The following FRMD4A variants were observed in gnomAD, a reference collection of about 807,000 sequenced individuals.
FRMD4A encodes the protein FERM domain-containing protein 4A.
A neutral mutation model predicts 129.1 loss-of-function variants in FRMD4A; 29 were observed. The observed-to-expected ratio is 0.22, with a 90% CI of 0.17 to 0.31. The LOEUF is 0.31. Among genes scored for constraint, FRMD4A ranks in the 10% least tolerant of loss-of-function variants. The pLI is 1.00. For missense variants in FRMD4A, 1,272 were observed against 1,375.8 expected (o/e 0.92, Z 1.19); for synonymous variants, 634 against 571.6 (o/e 1.11, Z -1.56).
chr10:14,312,128 G>T (rs557657103), intron 2 of FRMD4A, among the ~76,000 whole-genome samples: 149 of 152,294 alleles, frequency 9.8e-4, no homozygotes, highest in African/African-American at 3.4e-3. Flanking sequence ...AAAGAGCGGG[G>T]AGCATTCTGA....
In FRMD4A at chr10:13,855,989, G is replaced by A. The variant is rs191285091; in HGVS notation, c.111+2858C>T. Among the ~76,000 whole-genome samples the A allele has an allele frequency of 3.7e-4, 55 of 149,874 alleles. 1 individual carries two copies. The South Asian group carries it at 3.8e-3, about 10-fold the overall frequency. On this transcript the variant is annotated intron_variant, in intron 3 of 24. Coordinates refer to ENST00000357447, the MANE Select transcript of FRMD4A (RefSeq NM_018027.5). ...TATATATAAATATAAATATATATAT[G>A]TATTTAGCTTACCACACACAAATAC...
At chr10:13,648,188 C>T (rs2081270164) in intron 24 of FRMD4A, 2 of 152,130 alleles carry the variant, frequency 1.3e-5, no homozygotes, top group South Asian at 4.1e-4. Flanking sequence ...TAATGAGAGT[C>T]CTGTGTTTGG....
intron 5 of FRMD4A, among the ~76,000 whole-genome samples, chr10:13,788,160 T>G (rs992222018): frequency 3.9e-5 from 6 of 151,946 alleles, no homozygotes; most frequent in Admixed American, 3.9e-4. Flanking sequence ...GGTGCCAGGG[T>G]TAGCCAATTT....
At chr10:13,890,568 G>A (rs769267897) in intron 2 of FRMD4A, 1 of 983,866 alleles carries the variant, frequency 1.0e-6, no homozygotes, top group Non-Finnish European at 1.2e-6. Context: ...TGTCACCACT[G>A]ACCAGCTCAG....
At chr10:14,032,573 T>C (rs752538866) in intron 2 of FRMD4A, among the ~76,000 whole-genome samples, 1 of 152,200 alleles carries the variant, frequency 6.6e-6, no homozygotes, top group Non-Finnish European at 1.5e-5. Flanking sequence ...TCCCTCACTG[T>C]TGCTGCCTGG....
intron 2 of FRMD4A, chr10:14,082,974 A>G (rs1836016685): frequency 6.6e-6 from 1 of 152,246 alleles, no homozygotes; most frequent in Non-Finnish European, 1.5e-5. Flanking sequence ...ATTTATTGAA[A>G]CAAAGACTCC....
intron 2 of FRMD4A, among the ~76,000 whole-genome samples, chr10:13,912,677 A>G (rs1174792702): frequency 1.3e-5 from 2 of 151,892 alleles, no homozygotes; most frequent in Admixed American, 6.6e-5. Context: ...TACAGGCGCC[A>G]CCACCATGCC....
At chr10:13,938,814 AT>A (rs1221195221) in intron 2 of FRMD4A, among the ~76,000 whole-genome samples, 7 of 152,170 alleles carry the variant, frequency 4.6e-5, no homozygotes, top group Admixed American at 3.9e-4. Flanking sequence ...GCTGTTAAAC[AT>A]CCTGGAATGC....
At chr10:13,845,071 C>G (rs1314014361) in intron 3 of FRMD4A, among the ~76,000 whole-genome samples, 1 of 152,106 alleles carries the variant, frequency 6.6e-6, no homozygotes, top group East Asian at 1.9e-4. Flanking sequence ...AATATAAAGC[C>G]TTAAGGATGG....
intron 14 of FRMD4A, among the ~76,000 whole-genome samples, chr10:13,700,343 T>A (rs1482977008): frequency 6.6e-6 from 1 of 152,030 alleles, no homozygotes; most frequent in East Asian, 1.9e-4. Flanking sequence ...AAAATATGGA[T>A]AAGATGGCAA....
intron 2 of FRMD4A, among the ~76,000 whole-genome samples, chr10:14,038,291 C>T (rs1388257315): frequency 6.6e-6 from 1 of 152,066 alleles, no homozygotes; most frequent in African/African-American, 2.4e-5. Flanking sequence ...CCACTGCACT[C>T]CAGCCTGGGC....
intron 2 of FRMD4A, among the ~76,000 whole-genome samples, chr10:14,164,628 G>C (rs1323073062): frequency 6.6e-6 from 1 of 152,160 alleles, no homozygotes; most frequent in Non-Finnish European, 1.5e-5. Flanking sequence ...GTGGTATTGG[G>C]AAGAAGATGG....
chr10:13,907,306 T>G (rs1212308874), intron 2 of FRMD4A, among the ~76,000 whole-genome samples: 1 of 152,122 alleles, frequency 6.6e-6, no homozygotes, highest in Non-Finnish European at 1.5e-5. Flanking sequence ...CTATTATCTG[T>G]TGGGCGGTGA....
intron 2 of FRMD4A, among the ~76,000 whole-genome samples, chr10:13,877,925 C>A (rs1224913497): frequency 1.3e-5 from 2 of 152,088 alleles, no homozygotes; most frequent in Non-Finnish European, 2.9e-5. Context: ...AAGGTCAGGC[C>A]TGAGAGGGGT....
chr10:13,820,785 G>A (rs2093618683), intron 3 of FRMD4A, among the ~76,000 whole-genome samples: 1 of 152,206 alleles, frequency 6.6e-6, no homozygotes, highest in Non-Finnish European at 1.5e-5. Context: ...GCCCAGCACT[G>A]CCTGCCCATC....
chr10:14,009,005 G>A (rs568274812), intron 2 of FRMD4A, among the ~76,000 whole-genome samples: 5 of 152,266 alleles, frequency 3.3e-5, no homozygotes, highest in African/African-American at 1.2e-4. Context: ...AAATGTTTGT[G>A]TTATAGAACA....
In FRMD4A at chr10:13,933,048, C is replaced by T. The variant is rs193094610; in HGVS notation, c.46-74136G>A. 5.8e-4 allele frequency among the ~76,000 whole-genome samples: 88 copies of T among 152,166 alleles called. 1 individual carries two copies. Among genetic ancestry groups the T allele is most frequent in the Non-Finnish European group, 8.8e-5 (6 of 68,012 alleles). On this transcript the variant is annotated intron_variant, in intron 2 of 24. Transcript: ENST00000357447. ...TGGTGGCAGTCATCTGTAATCCCAG[C>T]TGCTCGGGAGACTGAGGCAGGAGAA... is the stretch of plus-strand genomic sequence containing the variant.
chr10:13,831,713 T>G (rs2093793178), intron 3 of FRMD4A, among the ~76,000 whole-genome samples: 1 of 152,186 alleles, frequency 6.6e-6, no homozygotes, highest in Non-Finnish European at 1.5e-5. Flanking sequence ...GTTAATTCCT[T>G]CCACACGTCC....
intron 2 of FRMD4A, among the ~76,000 whole-genome samples, chr10:14,076,835 C>T (rs1835638656): frequency 6.6e-6 from 1 of 152,216 alleles, no homozygotes; most frequent in South Asian, 2.1e-4. Context: ...AAATCAACTA[C>T]TTGTGTCAGA....
Sources: gnomAD v4.1 joint callset for allele counts (sites outside exome capture counted in the v4.1 genomes callset) on GRCh38, gnomAD v4.1.1 for gene constraint, MANE v1.5 for transcripts, NCBI Gene and HGNC (gene_info 2026-07-23, HGNC 2026-07-21) for gene names.